The following MARCHF1 variants were observed in gnomAD, a reference collection of about 807,000 sequenced individuals.
The protein encoded by MARCHF1 is E3 ubiquitin-protein ligase MARCHF1.
A neutral mutation model predicts 54.2 loss-of-function variants in MARCHF1; 40 were observed. The observed-to-expected ratio is 0.74, with a 90% CI of 0.57 to 0.96. The LOEUF is 0.96. Among genes scored for constraint, MARCHF1 ranks in the 40% least tolerant of loss-of-function variants. MARCHF1 has a pLI of 0.00. For synonymous variants in MARCHF1, 236 were observed against 236.3 expected (o/e 1.00, Z 0.01); for missense variants, 586 against 656.5 (o/e 0.89, Z 1.17).
chr4:163,633,688 G>A (rs1008055578), intron 5 of MARCHF1, among the ~76,000 whole-genome samples: 2 of 152,186 alleles, frequency 1.3e-5, no homozygotes, highest in African/African-American at 4.8e-5. Flanking sequence ...TATTATCCAG[G>A]AGAACTTCCC....
chr4:164,058,191 A>G (rs1754536927), intron 2 of MARCHF1, among the ~76,000 whole-genome samples: 1 of 152,130 alleles, frequency 6.6e-6, no homozygotes, highest in Non-Finnish European at 1.5e-5. Flanking sequence ...TGACGGGTGC[A>G]ACAAACCACC....
At chr4:164,106,726 C>A (rs1284214774) in intron 2 of MARCHF1, among the ~76,000 whole-genome samples, 19 of 145,950 alleles carry the variant, frequency 1.3e-4, no homozygotes, top group African/African-American at 3.6e-4. Context: ...TGTAACTAAC[C>A]TGCACAATGT....
At chr4:163,672,959 A>G (rs1743786673) in intron 5 of MARCHF1, among the ~76,000 whole-genome samples, 1 of 152,002 alleles carries the variant, frequency 6.6e-6, no homozygotes, top group Non-Finnish European at 1.5e-5. Context: ...TTGTCATTAC[A>G]TTGTCCCTGC....
At chr4:163,666,921 T>A (rs565768976) in intron 5 of MARCHF1, among the ~76,000 whole-genome samples, 1 of 152,252 alleles carries the variant, frequency 6.6e-6, no homozygotes, top group South Asian at 2.1e-4. Context: ...GACTCTAATC[T>A]TTTTGAGAGA....
intron 4 of MARCHF1, among the ~76,000 whole-genome samples, chr4:163,742,031 AG>A (rs1327215376): frequency 6.6e-6 from 1 of 152,204 alleles, no homozygotes; most frequent in Non-Finnish European, 1.5e-5. Flanking sequence ...TACAATGTGT[AG>A]AATAAAGTAG....
chr4:164,050,275 CAAAAAAAAAAAAAAAAA>C (rs34642436), intron 2 of MARCHF1, among the ~76,000 whole-genome samples: 1 of 40,164 alleles, frequency 2.5e-5, no homozygotes. Flanking sequence ...ACACTGTCTC[CAAAAAAAAAAAAAAAAA>C]AAAAAAAAAA....
intron 5 of MARCHF1, among the ~76,000 whole-genome samples, chr4:163,626,231 T>C (rs1180230998): frequency 6.6e-6 from 1 of 152,228 alleles, no homozygotes; most frequent in African/African-American, 2.4e-5. Context: ...TGAAAATCCA[T>C]TTATAGACAA....
chr4:163,641,062 A>AT (rs1742535592), intron 5 of MARCHF1, among the ~76,000 whole-genome samples: 1 of 152,126 alleles, frequency 6.6e-6, no homozygotes. Context: ...ATGTCAACCT[A>AT]TAAGTGCAGT....
At chr4:163,657,458 C>G (rs1743190692) in intron 5 of MARCHF1, among the ~76,000 whole-genome samples, 1 of 151,986 alleles carries the variant, frequency 6.6e-6, no homozygotes, top group Non-Finnish European at 1.5e-5. Flanking sequence ...TAGGAAGAAT[C>G]AATATCATTA....
At position 163,927,063 on chromosome 4, in the gene MARCHF1, A is replaced by G. The variant is rs114762572; in HGVS notation, c.-39+61438T>C. On this transcript the variant is annotated intron_variant, in intron 3 of 9. Coordinates refer to ENST00000514618, the MANE Select transcript of MARCHF1 (RefSeq NM_001394959.1). ...CTTCCAAATTTAGATAAAAAATTTGATTTGGGAAAAATATTTCAAATCTCA... is the reference window on the plus strand; with the variant it reads ...CTTCCAAATTTAGATAAAAAATTTGGTTTGGGAAAAATATTTCAAATCTCA... Among the ~76,000 whole-genome samples, 1,044 of 151,884 alleles carry G rather than the reference A, an allele frequency of 6.9e-3. 12 individuals are homozygous for G. The highest frequency in any genetic ancestry group is 0.024 in the Middle Eastern group (7 of 294).
intron 4 of MARCHF1, among the ~76,000 whole-genome samples, chr4:163,772,853 T>A (rs1453868070): frequency 6.6e-6 from 1 of 152,088 alleles, no homozygotes; most frequent in African/African-American, 2.4e-5. Flanking sequence ...CATCTTAAAA[T>A]TCTGCCTGCT....
chr4:163,721,898 C>T (rs149642135), intron 4 of MARCHF1, among the ~76,000 whole-genome samples: 35 of 152,092 alleles, frequency 2.3e-4, no homozygotes, highest in African/African-American at 7.5e-4. Flanking sequence ...TTTTTTATTG[C>T]GCCTATTTGA....
chr4:164,150,332 G>A (rs1729896800), intron 1 of MARCHF1, among the ~76,000 whole-genome samples: 1 of 152,252 alleles, frequency 6.6e-6, no homozygotes, highest in South Asian at 2.1e-4. Context: ...GTCTTTCCCA[G>A]GGTATAAATG....
chr4:164,200,584 CCA>C (rs1579618487), intron 1 of MARCHF1, among the ~76,000 whole-genome samples: 1 of 152,114 alleles, frequency 6.6e-6, no homozygotes, highest in East Asian at 1.9e-4. Context: ...TAAATGGATC[CCA>C]CAATTATCTT....
At chr4:164,243,456 A>G (rs558558063) in intron 1 of MARCHF1, among the ~76,000 whole-genome samples, 1 of 141,620 alleles carries the variant, frequency 7.1e-6, no homozygotes, top group South Asian at 2.2e-4. Flanking sequence ...CCAGGAAGGA[A>G]GCACTAAACA....
intron 1 of MARCHF1, among the ~76,000 whole-genome samples, chr4:164,261,792 T>C (rs545505315): frequency 6.6e-6 from 1 of 152,314 alleles, no homozygotes; most frequent in African/African-American, 2.4e-5. Context: ...TATAACAACC[T>C]AATATATTCT....
chr4:164,205,020 TTTTC>T (rs1467772774), intron 1 of MARCHF1, among the ~76,000 whole-genome samples: 1 of 152,212 alleles, frequency 6.6e-6, no homozygotes, highest in Admixed American at 6.5e-5. Context: ...GCAGTGAACA[TTTTC>T]TTTGAGAGAA....
At chr4:164,364,274 A>T (rs1730815012) in intron 1 of MARCHF1, among the ~76,000 whole-genome samples, 1 of 152,248 alleles carries the variant, frequency 6.6e-6, no homozygotes, top group African/African-American at 2.4e-5. Context: ...TCATATAGTC[A>T]GTAAAAACGT....
At chr4:164,299,961 C>T (rs1186253905) in intron 1 of MARCHF1, among the ~76,000 whole-genome samples, 1 of 152,034 alleles carries the variant, frequency 6.6e-6, no homozygotes, top group Non-Finnish European at 1.5e-5. Flanking sequence ...AATTATCTAG[C>T]AGAATTCTAT....
Sources: gnomAD v4.1 joint callset for allele counts (sites outside exome capture counted in the v4.1 genomes callset) on GRCh38, gnomAD v4.1.1 for gene constraint, MANE v1.5 for transcripts, NCBI Gene and HGNC (gene_info 2026-07-23, HGNC 2026-07-21) for gene names.